Variants in MARK2 observed in about 807,000 individuals in gnomAD.
MARK2 encodes the protein serine/threonine-protein kinase MARK2.
In MARK2, 16 loss-of-function variants were observed where a neutral mutation model predicts 89.8. The ratio of observed to expected loss-of-function variants is 0.18; its 90% confidence interval spans 0.12 to 0.27. The LOEUF is 0.27. Ranked by LOEUF, MARK2 falls within the 10% of genes least tolerant of loss-of-function variation. The pLI is 1.00. For synonymous variants in MARK2, 382 were observed against 399.5 expected, an observed-to-expected ratio of 0.96 and a Z score of 0.52; for missense variants, 621 against 1,049.9, an observed-to-expected ratio of 0.59 and a Z score of 5.65.
intron 1 of MARK2, among the ~76,000 whole-genome samples, chr11:63,872,477 A>T (rs1007389597): frequency 2.6e-5 from 4 of 152,110 alleles, no homozygotes; most frequent in Non-Finnish European, 5.9e-5. Context: ...CTGGGACAGC[A>T]TTTCACTTCT....
Position 63,909,152 on chromosome 11 carries a change from A to G in MARK2, c.2282A>G (p.Asn761Ser), listed in dbSNP as rs1941585465. The change falls in exon 19 of 19, where the codon AAC becomes AGC. Residue 761 changes from asparagine to serine, a missense_variant. Around this residue, in one of 5 missense-constraint regions of MARK2, gnomAD observed 33 missense variants for 74.5 expected, o/e 0.44. Coordinates refer to ENST00000402010, the MANE Select transcript of MARK2 (RefSeq NM_001039469.3). Reference protein sequence around the residue: ...EVCKLPRLSLNGVRFKRISGT... With the variant: ...EVCKLPRLSLSGVRFKRISGT... ...TGCAAACTGCCGCGGCTCTCTCTCA[A>G]CGGGGTTCGATTTAAGCGGATATCG... 6.2e-7 allele frequency: 1 copy of G among 1,613,788 alleles called. No individual in the cohort carries two copies. The highest frequency in any genetic ancestry group is 8.5e-7 in the Non-Finnish European group (1 of 1,179,770).
intron 1 of MARK2, among the ~76,000 whole-genome samples, chr11:63,889,247 A>G (rs371143505): frequency 6.6e-6 from 1 of 152,148 alleles, no homozygotes; most frequent in African/African-American, 2.4e-5. Flanking sequence ...CTCCCGTGCT[A>G]CAGTGAGGGG....
At chr11:63,863,040 C>T (rs1347235403) in intron 1 of MARK2, among the ~76,000 whole-genome samples, 2 of 152,198 alleles carry the variant, frequency 1.3e-5, no homozygotes, top group African/African-American at 4.8e-5. Flanking sequence ...CCCTGAACAC[C>T]GTAGCTGGTG....
At chr11:63,883,699 C>T (rs1939234782) in intron 1 of MARK2, among the ~76,000 whole-genome samples, 1 of 152,148 alleles carries the variant, frequency 6.6e-6, no homozygotes, top group Admixed American at 6.5e-5. Context: ...ATCCTTCCAC[C>T]TCAGCCTCCC....
intron 1 of MARK2, 140 bp from the exon 2 acceptor site, chr11:63,895,019 T>G (rs1284037264): frequency 1.6e-6 from 1 of 637,924 alleles, no homozygotes; most frequent in Non-Finnish European, 2.7e-6. Context: ...TCTCCTTTCT[T>G]CTGCTGCCAT....
In MARK2 at chr11:63,861,248, A is replaced by T. The variant is rs543604069; in HGVS notation, c.54+21688A>T. The stretch of plus-strand genomic sequence containing the variant: ...CAGGAGTTCAAGACCAGCCTGGCCA[A>T]GATGGTGAAACCCCATCTCTACTAA... On this transcript the variant is annotated intron_variant, in intron 1 of 18. Coordinates refer to ENST00000402010, the MANE Select transcript of MARK2 (RefSeq NM_001039469.3). Among the ~76,000 whole-genome samples the T allele has an allele frequency of 5.9e-5, 9 of 152,270 alleles. No homozygotes were observed. The East Asian group carries it at 1.7e-3, about 29-fold the overall frequency.
rs1261059318 is a variant in MARK2, at chr11:63,903,624, C to T, written c.1515-362C>T. 1.3e-5 allele frequency among the ~76,000 whole-genome samples: 2 copies of T among 152,128 alleles called. No individual in the cohort carries two copies. Among genetic ancestry groups the T allele is most frequent in the Non-Finnish European group, 2.9e-5 (2 of 68,020 alleles). On this transcript the variant is annotated intron_variant, in intron 14 of 18. Coordinates refer to ENST00000402010, the MANE Select transcript of MARK2 (RefSeq NM_001039469.3). The surrounding 1 kb of genome is among the most constrained non-coding windows in gnomAD (Gnocchi z 5.1). ...TGTTGCATTCCTGGCTCTATCTCTT[C>T]TGAGTTTATGAAAGTTTCCCCTCAG...
At chr11:63,892,481 G>C (rs1014944539) in intron 1 of MARK2, among the ~76,000 whole-genome samples, 8 of 152,028 alleles carry the variant, frequency 5.3e-5, no homozygotes, top group Non-Finnish European at 1.2e-4. Context: ...TTTTTTCTCT[G>C]TGGTTTTTGA....
intron 1 of MARK2, among the ~76,000 whole-genome samples, chr11:63,883,098 G>C (rs1309176150): frequency 6.6e-6 from 1 of 152,192 alleles, no homozygotes; most frequent in Admixed American, 6.5e-5. Context: ...TGCGAGGCTG[G>C]CAGTGTGAGC....
At chr11:63,843,365 C>T (rs1300308137) in intron 1 of MARK2, among the ~76,000 whole-genome samples, 1 of 152,182 alleles carries the variant, frequency 6.6e-6, no homozygotes, top group Non-Finnish European at 1.5e-5. Context: ...GGACCTGCCC[C>T]ACCTCTGGGC....
intron 1 of MARK2, among the ~76,000 whole-genome samples, chr11:63,866,368 A>T (rs2135253068): frequency 6.6e-6 from 1 of 152,206 alleles, no homozygotes; most frequent in African/African-American, 2.4e-5. Flanking sequence ...AAAAAAAAAA[A>T]AAGTAGTGTT....
At chr11:63,898,996 G>C in intron 6 of MARK2, 56 bp from the exon 7 acceptor site, 4 of 1,331,692 alleles carry the variant, frequency 3.0e-6, no homozygotes, top group Non-Finnish European at 3.2e-6. Context: ...TGCTCTGTCA[G>C]CCCCTGTGGC....
chr11:63,856,675 G>A (rs1039761515), intron 1 of MARK2, among the ~76,000 whole-genome samples: 16 of 151,016 alleles, frequency 1.1e-4, no homozygotes, highest in African/African-American at 2.7e-4. Context: ...CGCCAACCTC[G>A]GCCTCCCAAA....
intron 1 of MARK2, among the ~76,000 whole-genome samples, chr11:63,855,852 T>C (rs1043169982): frequency 6.6e-6 from 1 of 152,234 alleles, no homozygotes; most frequent in African/African-American, 2.4e-5. Flanking sequence ...AAAGCACTGC[T>C]ACTCTTGTGG....
chr11:63,842,789 T>G (rs972845256), intron 1 of MARK2, among the ~76,000 whole-genome samples: 4 of 152,058 alleles, frequency 2.6e-5, no homozygotes, highest in Non-Finnish European at 4.4e-5. Context: ...TACCAGAAAA[T>G]AGGTAAACAA....
intron 1 of MARK2, among the ~76,000 whole-genome samples, chr11:63,857,400 C>T (rs2016920011): frequency 6.6e-6 from 1 of 151,884 alleles, no homozygotes; most frequent in African/African-American, 2.4e-5. Flanking sequence ...AGGCTGGTCT[C>T]GAACTCCTTA....
At chr11:63,859,361 G>A (rs763991612) in intron 1 of MARK2, among the ~76,000 whole-genome samples, 4 of 147,144 alleles carry the variant, frequency 2.7e-5, no homozygotes, top group Non-Finnish European at 6.0e-5. Context: ...GCTCTGTCAC[G>A]CAGGCTGGAG....
chr11:63,839,443 C>T lies in MARK2; in HGVS notation c.-64C>T, dbSNP rs2015888567. 1.9e-6 allele frequency: 2 copies of T among 1,053,380 alleles called. No individual in the cohort carries two copies. The highest frequency in any genetic ancestry group is 2.8e-5 in the East Asian group (1 of 35,692). 65.3% of individuals were successfully genotyped at this position (1,053,380 alleles called of 1,614,324 possible). On this transcript the variant is annotated 5_prime_UTR_variant, in exon 1 of 19. Transcript: ENST00000402010. ...GTGAGAAGCCCCGCCCGGCCGGGCTCCGCGCCTTCCCTTCCCTCCCTTCCT... is the reference window on the plus strand; with the variant it reads ...GTGAGAAGCCCCGCCCGGCCGGGCTTCGCGCCTTCCCTTCCCTCCCTTCCT...
At chr11:63,857,158 C>G (rs1443749207) in intron 1 of MARK2, among the ~76,000 whole-genome samples, 1 of 151,502 alleles carries the variant, frequency 6.6e-6, no homozygotes, top group East Asian at 1.9e-4. Context: ...CGTTTTCTTT[C>G]TTTAATTTGT....
Sources: gnomAD v4.1 joint callset for allele counts (sites outside exome capture counted in the v4.1 genomes callset) on GRCh38, gnomAD v4.1.1 for gene constraint, gnomAD v4.1.1 regional missense constraint, Gnocchi (gnomAD v3.1) non-coding constraint, MANE v1.5 for transcripts, NCBI Gene and HGNC (gene_info 2026-07-23, HGNC 2026-07-21) for gene names.